Variants in CLCN5 observed in about 807,000 individuals in gnomAD.
CLCN5 encodes H(+)/Cl(-) exchange transporter 5.
Under a neutral mutation model 54.0 loss-of-function variants are expected in CLCN5, and 17 were observed. The ratio of observed to expected loss-of-function variants is 0.31; its 90% CI spans 0.22 to 0.47. The LOEUF is 0.47. CLCN5 is among the 20% of genes least tolerant of loss of function. The pLI, the probability that CLCN5 is intolerant of heterozygous loss-of-function variation, is 1.00. For missense variants in CLCN5, 448 were observed against 646.7 expected (o/e 0.69, Z 3.33); for synonymous variants, 222 against 233.0 (o/e 0.95, Z 0.43).
intron 3 of CLCN5, among the ~76,000 whole-genome samples, chrX:49,953,345 G>A (rs973257187): frequency 3.6e-4 from 40 of 111,456 alleles, no homozygotes; most frequent in Non-Finnish European, 4.9e-4. Flanking sequence ...TCACTCTGTC[G>A]CCCAAGCTGG....
In CLCN5 at chrX:50,090,105, T is replaced by C. The variant is rs781924474; in HGVS notation, c.1745-11T>C. 3.3e-6 allele frequency: 4 copies of C among 1,207,540 alleles called. No individual in the cohort carries two copies. The highest frequency in any genetic ancestry group is 3.4e-6 in the Non-Finnish European group (3 of 893,471). ...TGCCTACCTGAGTAGACTGTGTCTA[T>C]TTCTTTGCAGGTGGGGTGACTCGGA... is the stretch of plus-strand genomic sequence containing the variant. On this transcript the variant is annotated splice_polypyrimidine_tract_variant and intron_variant, in intron 12 of 14. Transcript: ENST00000376091.
chrX:50,001,016 T>G (rs1270142019), intron 3 of CLCN5, among the ~76,000 whole-genome samples: 1 of 111,104 alleles, frequency 9.0e-6, no homozygotes, highest in African/African-American at 3.3e-5. Context: ...CTTTGCTTTC[T>G]TCTTCCTTGA....
intron 3 of CLCN5, among the ~76,000 whole-genome samples, chrX:50,032,521 T>C (rs1931760002): frequency 9.1e-6 from 1 of 110,193 alleles, no homozygotes; most frequent in Non-Finnish European, 1.9e-5. Context: ...ATGTCTTCTT[T>C]TGAGAAGTGT....
intron 3 of CLCN5, among the ~76,000 whole-genome samples, chrX:50,032,975 G>A (rs1931791351): frequency 9.0e-6 from 1 of 111,225 alleles, no homozygotes; most frequent in Non-Finnish European, 1.9e-5. Flanking sequence ...TATTAACTAG[G>A]GAATCCTTTC....
rs782060530 is a variant in CLCN5, at chrX:49,980,185, T to G, written c.16+54871T>G. On this transcript the variant is annotated intron_variant, in intron 3 of 14. Coordinates refer to ENST00000376091, the MANE Select transcript of CLCN5 (RefSeq NM_001127898.4). ...TTAAAATAGTATCTAAATCTAATCC[T>G]ACTTTTAGGAATACCTAACAAAAAA... 2.7e-3 allele frequency among the ~76,000 whole-genome samples: 298 copies of G among 111,323 alleles called. 1 individual carries two copies. The highest frequency in any genetic ancestry group is 9.3e-3 in the African/African-American group (285 of 30,805).
At chrX:50,088,536 C>A in intron 11 of CLCN5, 162 bp from the exon 12 acceptor site, 1 of 513,251 alleles carries the variant, frequency 1.9e-6, no homozygotes, top group Non-Finnish European at 3.5e-6. Flanking sequence ...AACCTCTAGT[C>A]CCTGTAGTGT....
chrX:50,060,707 C>A (rs1248541974), intron 4 of CLCN5, among the ~76,000 whole-genome samples: 7 of 112,213 alleles, frequency 6.2e-5, no homozygotes, highest in Non-Finnish European at 7.5e-5. Context: ...GGGGGCAGGG[C>A]ACAGACAAAC....
chrX:49,989,242 T>C (rs1314897419), intron 3 of CLCN5, among the ~76,000 whole-genome samples: 1 of 110,566 alleles, frequency 9.0e-6, no homozygotes, highest in African/African-American at 3.3e-5. Context: ...GTGGCTAATT[T>C]TTTTAAAAAC....
At chrX:49,972,706 A>C (rs782163648) in intron 3 of CLCN5, among the ~76,000 whole-genome samples, 147 of 112,284 alleles carry the variant, frequency 1.3e-3, no homozygotes, top group Non-Finnish European at 4.9e-4. Flanking sequence ...TACCTTGCTG[A>C]GTAAGCTCTC....
At chrX:49,959,018 T>A (rs1266018632) in intron 3 of CLCN5, among the ~76,000 whole-genome samples, 1 of 109,859 alleles carries the variant, frequency 9.1e-6, no homozygotes, top group Non-Finnish European at 1.9e-5. Flanking sequence ...CAGCTTATGT[T>A]GTGTTCTTTA....
At chrX:49,970,459 C>T (rs1928150732) in intron 3 of CLCN5, among the ~76,000 whole-genome samples, 1 of 111,400 alleles carries the variant, frequency 9.0e-6, no homozygotes, top group Non-Finnish European at 1.9e-5. Flanking sequence ...CACTAATCTA[C>T]TTCTTATCTC....
intron 3 of CLCN5, among the ~76,000 whole-genome samples, chrX:50,002,692 TGTGTGTGTGTGTGTGTGTGTGTGTG>T (rs1929920116): frequency 9.2e-6 from 1 of 108,989 alleles, no homozygotes; most frequent in Non-Finnish European, 1.9e-5. Context: ...TGTGTGTGTG[TGTGTGTGTGTGTGTGTGTGTGTGTG>T]GTGTGTGTGT....
At chrX:50,016,620 T>TGC (rs1930801859) in intron 3 of CLCN5, among the ~76,000 whole-genome samples, 1 of 109,640 alleles carries the variant, frequency 9.1e-6, no homozygotes, top group Non-Finnish European at 1.9e-5. Flanking sequence ...AGTTCCCTCT[T>TGC]TGTGTTATAT....
intron 3 of CLCN5, among the ~76,000 whole-genome samples, chrX:49,975,465 G>A (rs1042358488): frequency 9.0e-6 from 1 of 111,599 alleles, no homozygotes; most frequent in Non-Finnish European, 1.9e-5. Flanking sequence ...CTATAAGGGA[G>A]GAAAATAGGA....
intron 3 of CLCN5, among the ~76,000 whole-genome samples, chrX:49,981,486 A>G (rs1557177686): frequency 8.9e-6 from 1 of 111,767 alleles, no homozygotes; most frequent in South Asian, 3.7e-4. Context: ...TTGCATCAGA[A>G]AATACTATGG....
intron 3 of CLCN5, among the ~76,000 whole-genome samples, chrX:50,007,276 G>A (rs2147390543): frequency 8.9e-6 from 1 of 112,014 alleles, no homozygotes; most frequent in East Asian, 2.8e-4. Context: ...ATGTGGCTGG[G>A]TGCCCAGCAT....
chrX:49,936,528 G>C (rs1052659627), intron 3 of CLCN5, among the ~76,000 whole-genome samples: 2 of 112,049 alleles, frequency 1.8e-5, no homozygotes, highest in Admixed American at 9.5e-5. Context: ...ATCAGGATGT[G>C]GTTGGTACCA....
chrX:50,041,625 C>G (rs956141092), intron 3 of CLCN5, among the ~76,000 whole-genome samples: 37 of 110,946 alleles, frequency 3.3e-4, no homozygotes, highest in African/African-American at 1.1e-3. Flanking sequence ...ATACTGATGT[C>G]TAGTTTTTAT....
At chrX:49,949,319 G>T (rs138473125) in intron 3 of CLCN5, among the ~76,000 whole-genome samples, 1,127 of 112,097 alleles carry the variant, frequency 0.01, 7 homozygotes, top group Admixed American at 0.015. Context: ...TCTGACCCAA[G>T]ATATCAGTAA....
Sources: gnomAD v4.1 joint callset for allele counts (sites outside exome capture counted in the v4.1 genomes callset) on GRCh38, gnomAD v4.1.1 for gene constraint, MANE v1.5 for transcripts, NCBI Gene and HGNC (gene_info 2026-07-23, HGNC 2026-07-21) for gene names.